INPP5A: variants seen among roughly 807,000 people sequenced by gnomAD.
INPP5A encodes 43 kDa inositol polyphosphate 5-phophatase.
In INPP5A, 14 loss-of-function variants were observed where a neutral mutation model predicts 65.2. That is an observed-to-expected ratio of 0.21 (90% CI 0.14 to 0.34). The LOEUF (loss-of-function observed/expected upper bound fraction) is 0.34. Among genes scored for constraint, INPP5A ranks in the 10% least tolerant of loss-of-function variants. The pLI, the probability that INPP5A is intolerant of heterozygous loss-of-function variation, is 1.00. For synonymous variants in INPP5A, 207 were observed against 208.3 expected, an observed-to-expected ratio of 0.99 and a Z score of 0.05; for missense variants, 431 against 545.6, an observed-to-expected ratio of 0.79 and a Z score of 2.09.
chr10:132,662,789 T>C (rs1050086482), intron 4 of INPP5A, among the ~76,000 whole-genome samples: 2 of 152,158 alleles, frequency 1.3e-5, no homozygotes, highest in African/African-American at 4.8e-5. Flanking sequence ...TGCTGTAGTT[T>C]AGCAAACACA....
In INPP5A at chr10:132,645,876, C is replaced by A. The variant is rs925747050; in HGVS notation, c.126C>A (p.His42Gln). The change falls in exon 3 of 16, where the codon CAC becomes CAA. Residue 42 changes from histidine (H) to glutamine (Q), a missense_variant. His to Gln is a conservative substitution (Grantham distance 24). Transcript: ENST00000368594. Reference sequence around the variant, plus strand: ...TGCTTCTCTCCCTCCAGGTCGTGCACACACACAAGCCGCACTTCATGGCCT... The same window carrying A: ...TGCTTCTCTCCCTCCAGGTCGTGCAAACACACAAGCCGCACTTCATGGCCT... ...NWLREFYQVV[H>Q]THKPHFMALH... 1.9e-6 allele frequency: 3 copies of A among 1,613,310 alleles called. No homozygotes were observed. In the African/African-American group the frequency reaches 4.0e-5, roughly 22 times the overall value.
At chr10:132,773,255 C>T (rs572092842) in intron 12 of INPP5A, among the ~76,000 whole-genome samples, 5 of 152,220 alleles carry the variant, frequency 3.3e-5, no homozygotes, top group African/African-American at 7.2e-5. Context: ...TTTTATCATA[C>T]GCAGAGCAGG....
In INPP5A at chr10:132,749,558, C is replaced by T. The variant is rs754756368; in HGVS notation, c.774C>T (p.Ala258=). 6.8e-6 allele frequency: 11 copies of T among 1,612,902 alleles called. No homozygotes were observed. The highest frequency in any genetic ancestry group is 1.3e-5 in the African/African-American group (1 of 74,946). ...TKATMQTVRA[A]DTNEVVKLIF... ...CCACCATGCAGACGGTCCGGGCCGCCGACACCAATGAAGTGGTGAAGCTCA... is the reference window on the plus strand; with the variant it reads ...CCACCATGCAGACGGTCCGGGCCGCTGACACCAATGAAGTGGTGAAGCTCA... The change falls in exon 10 of 16, where the codon GCC becomes GCT. Residue 258 remains alanine, a synonymous_variant. Coordinates refer to ENST00000368594, the MANE Select transcript of INPP5A (RefSeq NM_005539.5).
At chr10:132,694,626 C>A (rs1326236212) in intron 5 of INPP5A, among the ~76,000 whole-genome samples, 1 of 151,782 alleles carries the variant, frequency 6.6e-6, no homozygotes, top group Non-Finnish European at 1.5e-5. Context: ...TTCTTTAAAG[C>A]GATCAATAAA....
At chr10:132,607,484 C>A (rs990837732) in intron 1 of INPP5A, among the ~76,000 whole-genome samples, 1 of 152,240 alleles carries the variant, frequency 6.6e-6, no homozygotes, top group Admixed American at 6.5e-5. Context: ...CAAAGCTCAG[C>A]TTTGTCTAGT....
intron 2 of INPP5A, among the ~76,000 whole-genome samples, chr10:132,611,426 A>AGG (rs2071948156): frequency 1.2e-5 from 1 of 85,362 alleles, no homozygotes; most frequent in Non-Finnish European, 2.3e-5. Flanking sequence ...GGAGGTGAGG[A>AGG]GTTCATGGGA....
At chr10:132,719,481 C>G (rs574882313) in intron 8 of INPP5A, among the ~76,000 whole-genome samples, 3 of 94,202 alleles carry the variant, frequency 3.2e-5, no homozygotes, top group African/African-American at 4.8e-5. Flanking sequence ...GGCTGTCTTG[C>G]GGGTTCTGTG....
At chr10:132,554,172 G>A (rs2133258564) in intron 1 of INPP5A, among the ~76,000 whole-genome samples, 1 of 152,304 alleles carries the variant, frequency 6.6e-6, no homozygotes, top group Non-Finnish European at 1.5e-5. Context: ...TATTCAGATA[G>A]GAAGTATTTG....
At chr10:132,653,369 G>A (rs2072606138) in intron 4 of INPP5A, among the ~76,000 whole-genome samples, 1 of 152,214 alleles carries the variant, frequency 6.6e-6, no homozygotes, top group Non-Finnish European at 1.5e-5. Flanking sequence ...TGGGTCCGGA[G>A]CGGCCTGTGC....
chr10:132,782,230 G>T lies in INPP5A; in HGVS notation c.*201G>T. On this transcript the variant is annotated 3_prime_UTR_variant, in exon 16 of 16. Coordinates refer to ENST00000368594, the MANE Select transcript of INPP5A (RefSeq NM_005539.5). This position sits in a 1 kb window ranked among gnomAD's most constrained non-coding sequence, Gnocchi z 4.4. ...ACCTCACTGTCTCGTCTGTCTATGT[G>T]ACATTAAGTAGAAATATTGGTTTTT... 1.7e-6 allele frequency: 1 copy of T among 588,734 alleles called. No individual in the cohort carries two copies. The highest frequency in any genetic ancestry group is 2.9e-6 in the Non-Finnish European group (1 of 348,434). 36.5% of individuals were successfully genotyped at this position (588,734 alleles called of 1,614,324 possible). A position where few individuals can be genotyped will look rare whatever the true frequency, so the allele number is the denominator to read the frequency against.
At chr10:132,769,448 T>C (rs945254012) in intron 12 of INPP5A, among the ~76,000 whole-genome samples, 1 of 152,200 alleles carries the variant, frequency 6.6e-6, no homozygotes, top group Admixed American at 6.5e-5. Flanking sequence ...AGCTGTAAGA[T>C]GGTGCCTTCA....
rs1428234503 is a variant in INPP5A at position 132,704,278 on chromosome 10, C to G, written c.475-4035C>G. 6.6e-6 allele frequency among the ~76,000 whole-genome samples: 1 copy of G among 152,200 alleles called. No individual in the cohort carries two copies. The highest frequency in any genetic ancestry group is 1.5e-5 in the Non-Finnish European group (1 of 68,040). On this transcript the variant is annotated intron_variant, in intron 6 of 15. Transcript: ENST00000368594. The surrounding 1 kb of genome is among the most constrained non-coding windows in gnomAD (Gnocchi z 4.5). ...CACTGTCACTAGTAGAGGGGCCTCA[C>G]CCAGTTACTGTAGATTTGTCACCAG...
chr10:132,662,877 C>T (rs982757161), intron 4 of INPP5A, among the ~76,000 whole-genome samples: 3 of 152,214 alleles, frequency 2.0e-5, no homozygotes, highest in African/African-American at 7.2e-5. Flanking sequence ...ATGTTAGTCT[C>T]CTAATTGTGG....
At chr10:132,633,672 G>A (rs748597322) in intron 2 of INPP5A, among the ~76,000 whole-genome samples, 17 of 152,188 alleles carry the variant, frequency 1.1e-4, no homozygotes, top group Non-Finnish European at 1.9e-4. Context: ...CTCAGAGAAG[G>A]TCATGATTTT....
chr10:132,617,633 A>C (rs1003640083), intron 2 of INPP5A, among the ~76,000 whole-genome samples: 1 of 152,194 alleles, frequency 6.6e-6, no homozygotes, highest in African/African-American at 2.4e-5. Context: ...AAGACAGTAC[A>C]TGGAGTGGAA....
Position 132,769,826 on chromosome 10 carries a change from G to A in INPP5A, c.977+3980G>A, listed in dbSNP as rs1406603265. 4.0e-5 allele frequency among the ~76,000 whole-genome samples: 6 copies of A among 150,290 alleles called. No individual in the cohort carries two copies. The East Asian group carries it at 1.2e-3, about 30-fold the overall frequency. The stretch of plus-strand genomic sequence containing the variant: ...CCCCCCCCCCAAGTTCCTGATACGT[G>A]TGGCTCCCGGTACAGCCCAGGCTCA... On this transcript the variant is annotated intron_variant, in intron 12 of 15. Coordinates refer to ENST00000368594, the MANE Select transcript of INPP5A (RefSeq NM_005539.5).
chr10:132,642,240 C>T (rs1312200912), intron 2 of INPP5A, among the ~76,000 whole-genome samples: 2 of 152,324 alleles, frequency 1.3e-5, no homozygotes, highest in East Asian at 3.9e-4. Flanking sequence ...GGAGGCGTTT[C>T]CAGCAGAGGG....
chr10:132,764,514 A>G (rs1249207912), intron 11 of INPP5A, among the ~76,000 whole-genome samples: 2 of 137,024 alleles, frequency 1.5e-5, no homozygotes, highest in South Asian at 4.7e-4. Flanking sequence ...GTGTGGTGAC[A>G]CTCAGGAACA....
chr10:132,601,828 C>T (rs1388752633), intron 1 of INPP5A, among the ~76,000 whole-genome samples: 1 of 151,944 alleles, frequency 6.6e-6, no homozygotes, highest in Non-Finnish European at 1.5e-5. Flanking sequence ...TCCATTGGTC[C>T]ACATGTCTGT....
Sources: gnomAD v4.1 joint callset for allele counts (sites outside exome capture counted in the v4.1 genomes callset) on GRCh38, gnomAD v4.1.1 for gene constraint, Gnocchi (gnomAD v3.1) non-coding constraint, MANE v1.5 for transcripts, NCBI Gene and HGNC (gene_info 2026-07-23, HGNC 2026-07-21) for gene names.